Variants in AUTS2 observed in about 807,000 individuals in gnomAD.
AUTS2 encodes the protein autism susceptibility gene 2 protein.
Under a neutral mutation model 112.4 loss-of-function variants are expected in AUTS2, and 17 were observed. The observed-to-expected ratio is 0.15, with a 90% CI of 0.10 to 0.23. The LOEUF (loss-of-function observed/expected upper bound fraction) is 0.23, where lower values mean the gene tolerates loss of function less well. AUTS2 is among the 10% of genes least tolerant of loss of function. AUTS2 has a pLI of 1.00. For synonymous variants in AUTS2, 751 were observed against 702.7 expected (o/e 1.07, Z -1.09); for missense variants, 1,510 against 1,701.6 (o/e 0.89, Z 1.98).
intron 5 of AUTS2, among the ~76,000 whole-genome samples, chr7:70,589,902 C>T (rs1300556366): frequency 6.6e-6 from 1 of 152,134 alleles, no homozygotes; most frequent in East Asian, 1.9e-4. Context: ...CAGCTTTCTC[C>T]TCTGCTGTTC....
intron 1 of AUTS2, among the ~76,000 whole-genome samples, chr7:69,625,672 A>C (rs562022645): frequency 6.6e-6 from 1 of 152,140 alleles, no homozygotes; most frequent in South Asian, 2.1e-4. Context: ...CAGCCTGGGA[A>C]AAACAGTGAG....
intron 5 of AUTS2, among the ~76,000 whole-genome samples, chr7:70,445,689 C>T (rs142173039): frequency 4.6e-5 from 7 of 152,252 alleles, no homozygotes; most frequent in East Asian, 3.9e-4. Context: ...CTACACCAGT[C>T]GGTGGACTTA....
At chr7:70,661,205 A>G (rs1230534404) in intron 5 of AUTS2, among the ~76,000 whole-genome samples, 1 of 151,954 alleles carries the variant, frequency 6.6e-6, no homozygotes, top group Non-Finnish European at 1.5e-5. Context: ...TCCAGGCAGA[A>G]CATAGGTTGT....
chr7:69,751,375 T>G (rs1045747375), intron 1 of AUTS2, among the ~76,000 whole-genome samples: 3 of 150,404 alleles, frequency 2.0e-5, no homozygotes, highest in African/African-American at 4.9e-5. Context: ...TTCAAAATAT[T>G]TTTTTTTTGG....
intron 1 of AUTS2, among the ~76,000 whole-genome samples, chr7:69,841,332 C>T (rs1185339955): frequency 6.6e-6 from 1 of 152,092 alleles, no homozygotes; most frequent in Non-Finnish European, 1.5e-5. Context: ...ATGACGAAAG[C>T]AGGAGCAAGC....
At chr7:70,048,045 G>A (rs1172572728) in intron 2 of AUTS2, among the ~76,000 whole-genome samples, 1 of 152,178 alleles carries the variant, frequency 6.6e-6, no homozygotes, top group Admixed American at 6.5e-5. Flanking sequence ...ATCTAAAGGT[G>A]ATAGCTGAAG....
chr7:70,240,165 T>C (rs1812537462), intron 4 of AUTS2, among the ~76,000 whole-genome samples: 1 of 152,114 alleles, frequency 6.6e-6, no homozygotes, highest in Non-Finnish European at 1.5e-5. Context: ...GCACAGGTGG[T>C]AGGCTATAGA....
At chr7:70,670,601 C>T (rs1267576290) in intron 5 of AUTS2, among the ~76,000 whole-genome samples, 2 of 152,290 alleles carry the variant, frequency 1.3e-5, no homozygotes, top group East Asian at 3.9e-4. Context: ...GTCGCTCCCT[C>T]GTGTCCAGTC....
chr7:70,430,828 C>CTTTTTTTTTTT (rs745358887), intron 4 of AUTS2, among the ~76,000 whole-genome samples: 3 of 94,498 alleles, frequency 3.2e-5, no homozygotes, highest in African/African-American at 8.8e-5. Context: ...GCAGTGTCGC[C>CTTTTTTTTTTT]TTTTTTTTTT....
At chr7:70,604,095 AAAT>A (rs1268411557) in intron 5 of AUTS2, among the ~76,000 whole-genome samples, 1 of 152,226 alleles carries the variant, frequency 6.6e-6, no homozygotes, top group Non-Finnish European at 1.5e-5. Context: ...ACCACTCAAT[AAAT>A]ATCGACTGCA....
At chr7:70,780,015 T>G (rs1273354344) in intron 14 of AUTS2, among the ~76,000 whole-genome samples, 1 of 149,148 alleles carries the variant, frequency 6.7e-6, no homozygotes, top group Non-Finnish European at 1.5e-5. Context: ...ACCCTATCTA[T>G]CTCATCTCTT....
intron 4 of AUTS2, among the ~76,000 whole-genome samples, chr7:70,160,354 C>A (rs1342724292): frequency 1.3e-5 from 2 of 152,170 alleles, no homozygotes; most frequent in African/African-American, 4.8e-5. Flanking sequence ...AGATCTTCCT[C>A]CAACGTAAAT....
At chr7:70,676,856 G>A (rs1368610442) in intron 5 of AUTS2, among the ~76,000 whole-genome samples, 4 of 150,866 alleles carry the variant, frequency 2.7e-5, no homozygotes, top group Non-Finnish European at 4.4e-5. Context: ...CAGCCTGGGC[G>A]ACAAGAGTGA....
At chr7:70,335,064 G>GGAAACC (rs1790927120) in intron 4 of AUTS2, among the ~76,000 whole-genome samples, 2 of 152,144 alleles carry the variant, frequency 1.3e-5, no homozygotes, top group Admixed American at 6.5e-5. Context: ...GAGGTTTCCT[G>GGAAACC]TTGAGGCGTC....
At chr7:70,776,837 G>C in intron 13 of AUTS2, 1 of 496,276 alleles carries the variant, frequency 2.0e-6, no homozygotes, top group East Asian at 3.8e-5. Flanking sequence ...GGCTTTTGCC[G>C]TCTTGTCCTT....
At chr7:69,674,923 G>A (rs983128297) in intron 1 of AUTS2, among the ~76,000 whole-genome samples, 3 of 152,342 alleles carry the variant, frequency 2.0e-5, no homozygotes, top group Non-Finnish European at 1.5e-5. Flanking sequence ...TGTGTGCACA[G>A]CATCCTATAA....
intron 6 of AUTS2, among the ~76,000 whole-genome samples, chr7:70,747,853 G>T (rs375004589): frequency 1.3e-5 from 2 of 149,636 alleles, no homozygotes; most frequent in Non-Finnish European, 1.5e-5. Context: ...ACAGAGTCTC[G>T]CTCTGTCGCC....
At chr7:70,134,091 G>A (rs955613763) in intron 3 of AUTS2, among the ~76,000 whole-genome samples, 2 of 152,120 alleles carry the variant, frequency 1.3e-5, no homozygotes, top group African/African-American at 2.4e-5. Flanking sequence ...AACCCACTGG[G>A]CTTTTTATTT....
chr7:69,833,033 GAGTAATC>G (rs1256258557), intron 1 of AUTS2, among the ~76,000 whole-genome samples: 1 of 152,136 alleles, frequency 6.6e-6, no homozygotes, highest in African/African-American at 2.4e-5. Flanking sequence ...ATTAAAAGAC[GAGTAATC>G]AGTTATTATT....
Sources: allele counts gnomAD v4.1 joint callset (sites outside exome capture counted in the v4.1 genomes callset), GRCh38; gene constraint gnomAD v4.1.1; transcripts MANE v1.5; gene names NCBI Gene and HGNC (gene_info 2026-07-23, HGNC 2026-07-21).